The following TEX15 variants were observed in gnomAD, a reference collection of about 807,000 sequenced individuals.
TEX15 encodes the protein testis expressed 15, meiosis and synapsis associated.
A neutral mutation model predicts 237.3 loss-of-function variants in TEX15; 171 were observed. The ratio of observed to expected loss-of-function variants is 0.72; its 90% CI spans 0.64 to 0.82. TEX15 has a LOEUF of 0.82. TEX15 is among the 40% of genes least tolerant of loss of function. The pLI, the probability that TEX15 is intolerant of heterozygous loss-of-function variation, is 0.00. For synonymous variants in TEX15, 1,338 were observed against 1,269.8 expected, an observed-to-expected ratio of 1.05 and a Z score of -1.14; for missense variants, 3,750 against 3,646.5, an observed-to-expected ratio of 1.03 and a Z score of -0.73.
In TEX15 at chr8:30,843,194, C is replaced by T. The variant is rs1432737266; in HGVS notation, c.6973G>A (p.Glu2325Lys). The T allele has an allele frequency of 6.2e-7, 1 of 1,613,334 alleles. No homozygotes were observed. The change falls in exon 8 of 11, where the codon GAA becomes AAA. Residue 2325 changes from glutamate (E) to lysine (K), a missense_variant. Physicochemically the swap from Glu to Lys is moderately conservative, Grantham distance 56. Coordinates refer to ENST00000643185, the MANE Select transcript of TEX15 (RefSeq NM_001350162.2). ...YDTLSKDLNN[E>K]PISPIGLEED... ...TCAAGCCCAATAGGGGAAATTGGTT[C>T]ATTGTTTAAATCTTTAGACAAAGTA...
At chr8:30,906,140 CTAT>C (rs1585318843) in intron 1 of TEX15, among the ~76,000 whole-genome samples, 1 of 152,114 alleles carries the variant, frequency 6.6e-6, no homozygotes, top group Non-Finnish European at 1.5e-5. Context: ...TAAGTATTGG[CTAT>C]TATTATTAAT....
At position 30,842,918 on chromosome 8, in the gene TEX15, A is replaced by C; in HGVS notation, c.7249T>G (p.Phe2417Val). ...MLQDNNMDNI[F>V]ITEENVLDVV... is the part of the protein sequence containing the mutation. ...TCTAAAACATTTTCTTCTGTGATAA[A>C]AATATTATCCATGTTATTATCTTGT... The change falls in exon 8 of 11, where the codon TTT becomes GTT. Residue 2417 changes from phenylalanine to valine, a missense_variant. Transcript: ENST00000643185. The C allele has an allele frequency of 6.2e-7, 1 of 1,609,494 alleles. No individual in the cohort carries two copies. Among genetic ancestry groups the C allele is most frequent in the Non-Finnish European group, 8.5e-7 (1 of 1,177,526 alleles).
intron 1 of TEX15, among the ~76,000 whole-genome samples, chr8:30,901,059 G>A (rs915484200): frequency 3.9e-5 from 6 of 152,168 alleles, no homozygotes; most frequent in Admixed American, 1.3e-4. Flanking sequence ...GATAACTTGA[G>A]CCTAGGAAGT....
At chr8:30,855,134 T>C (rs1288135325) in intron 7 of TEX15, among the ~76,000 whole-genome samples, 2 of 151,948 alleles carry the variant, frequency 1.3e-5, no homozygotes, top group African/African-American at 4.8e-5. Context: ...AAAAAAAGAC[T>C]GGAAAGAAAA....
rs1446182807 is a variant in TEX15, at chr8:30,848,788, T to C, written c.1379A>G (p.Lys460Arg). The C allele has an allele frequency of 3.7e-6, 6 of 1,614,196 alleles. No homozygotes were observed. Among genetic ancestry groups the C allele is most frequent in the Non-Finnish European group, 5.1e-6 (6 of 1,180,034 alleles). ...AGLNEVLQFE[K>R]SSDNVNSEIK... Reference sequence around the variant, plus strand: ...TTCTGAATTAACATTATCTGAACTCTTCTCAAATTGCAAAACCTCATTTAA... The same window carrying C: ...TTCTGAATTAACATTATCTGAACTCCTCTCAAATTGCAAAACCTCATTTAA... Residue 460 changes from lysine to arginine, a missense_variant, in exon 8 of 11, where the codon AAG becomes AGG. Physicochemically the swap from Lys to Arg is conservative, Grantham distance 26 (BLOSUM62 2). Coordinates refer to ENST00000643185, the MANE Select transcript of TEX15 (RefSeq NM_001350162.2).
intron 3 of TEX15, among the ~76,000 whole-genome samples, chr8:30,881,635 T>A (rs994565160): frequency 2.2e-4 from 31 of 142,582 alleles, no homozygotes; most frequent in East Asian, 1.4e-3. Flanking sequence ...TATTATTTTT[T>A]TTTTTTGAGA....
At chr8:30,868,115 G>A (rs1808213195) in intron 4 of TEX15, among the ~76,000 whole-genome samples, 1 of 151,834 alleles carries the variant, frequency 6.6e-6, no homozygotes, top group African/African-American at 2.4e-5. Context: ...CATTCTTCAG[G>A]GATTTAGGTA....
chr8:30,906,936 A>G (rs1809113899), intron 1 of TEX15, among the ~76,000 whole-genome samples: 1 of 152,124 alleles, frequency 6.6e-6, no homozygotes. Flanking sequence ...AACTTAAAAC[A>G]ATTTTTTTTT....
In TEX15 at chr8:30,846,520, T is replaced by C; in HGVS notation, c.3647A>G (p.Tyr1216Cys). The change falls in exon 8 of 11, where the codon TAT (tyrosine) becomes TGT (cysteine). Residue 1216 changes from tyrosine (Y) to cysteine (C), a missense_variant. Physicochemically the swap from Tyr to Cys is radical, Grantham distance 194. Transcript: ENST00000643185. ...YSQPFGENAD[Y>C]PCEDKVDNIR... ...ATTATCAACTTTATCTTCACATGGA[T>C]AATCTGCATTTTCACCAAAAGGCTG... The C allele has an allele frequency of 6.2e-7, 1 of 1,613,758 alleles. No individual in the cohort carries two copies. Among genetic ancestry groups the C allele is most frequent in the Non-Finnish European group, 8.5e-7 (1 of 1,179,750 alleles).
chr8:30,862,630 T>G (rs1808074803), intron 5 of TEX15, among the ~76,000 whole-genome samples: 1 of 152,180 alleles, frequency 6.6e-6, no homozygotes. Flanking sequence ...AAAAAAATTG[T>G]AAGGAGTTAT....
chr8:30,884,148 T>A (rs1808596774), intron 3 of TEX15, among the ~76,000 whole-genome samples: 1 of 152,184 alleles, frequency 6.6e-6, no homozygotes, highest in Non-Finnish European at 1.5e-5. Flanking sequence ...TGTAAAAAAT[T>A]CCTATTTATC....
intron 5 of TEX15, among the ~76,000 whole-genome samples, chr8:30,863,349 T>G (rs1390004720): frequency 6.6e-6 from 1 of 152,156 alleles, no homozygotes; most frequent in East Asian, 1.9e-4. Flanking sequence ...TCAATTTCAG[T>G]TCTTAGCACA....
chr8:30,898,328 G>T (rs1808946107), intron 2 of TEX15, among the ~76,000 whole-genome samples: 1 of 152,142 alleles, frequency 6.6e-6, no homozygotes, highest in Admixed American at 6.5e-5. Flanking sequence ...AATGGGATTA[G>T]CATACTTATT....
rs765266481 is a variant in TEX15 at position 30,842,623 on chromosome 8, A to G, written c.7544T>C (p.Val2515Ala). 2.7e-5 allele frequency: 43 copies of G among 1,611,440 alleles called. No homozygotes were observed. The East Asian group carries it at 9.6e-4, about 36-fold the overall frequency. ...VCLWKVIETAVSELKKDLDII... is the reference protein window; with the variant it reads ...VCLWKVIETAASELKKDLDII... The stretch of plus-strand genomic sequence containing the variant: ...ATCCAGATCTTTCTTAAGTTCGGAA[A>G]CAGCAGTCTCTATCACTTTCCAAAG... The change falls in exon 8 of 11, where the codon GTT (valine) becomes GCT (alanine). Residue 2515 changes from valine (V) to alanine (A), a missense_variant. Physicochemically the swap from Val to Ala is moderately conservative, Grantham distance 64 (BLOSUM62 0). Coordinates refer to ENST00000643185, the MANE Select transcript of TEX15 (RefSeq NM_001350162.2).
chr8:30,848,445 T>C lies in TEX15; in HGVS notation c.1722A>G (p.Lys574=). 6.2e-7 allele frequency: 1 copy of C among 1,614,180 alleles called. No homozygotes were observed. The highest frequency in any genetic ancestry group is 1.1e-5 in the South Asian group (1 of 91,078). The change falls in exon 8 of 11, where the codon AAA becomes AAG. Residue 574 remains lysine (K), a synonymous_variant. Transcript: ENST00000643185. ...CCTGAAAAATGTGACTACTGTACTC[T>C]TTTGTATAAGCATTACCGGACTCCT... ...AQQESGNAYT[K]EYSSHIFQDS...
At chr8:30,870,702 G>C (rs368377206) in intron 4 of TEX15, among the ~76,000 whole-genome samples, 1 of 152,078 alleles carries the variant, frequency 6.6e-6, no homozygotes, top group Non-Finnish European at 1.5e-5. Context: ...ACAGCTAAGA[G>C]AAATTGGGAT....
At chr8:30,880,613 T>C (rs1472477777) in intron 3 of TEX15, among the ~76,000 whole-genome samples, 1 of 152,244 alleles carries the variant, frequency 6.6e-6, no homozygotes, top group Non-Finnish European at 1.5e-5. Flanking sequence ...ATTTTCTTAG[T>C]AACATTTTCT....
chr8:30,859,981 A>G lies in TEX15; in HGVS notation c.617T>C (p.Phe206Ser). The G allele has an allele frequency of 6.6e-7, 1 of 1,520,404 alleles. No homozygotes were observed. Among genetic ancestry groups the G allele is most frequent in the Non-Finnish European group, 8.8e-7 (1 of 1,141,282 alleles). 94.2% of individuals were successfully genotyped at this position (1,520,404 alleles called of 1,614,324 possible). A position where few individuals can be genotyped will look rare whatever the true frequency, so the allele number is the denominator to read the frequency against. ...NKVSLDPSPN[F>S]DCHMSRNAPS... The stretch of plus-strand genomic sequence containing the variant: ...TGCATTTCTTGACATATGGCAATCA[A>G]AGTTAGGAGAAGGATCCAAAGAAAC... Residue 206 changes from phenylalanine to serine, a missense_variant, in exon 6 of 11, where the codon TTT (phenylalanine) becomes TCT (serine). Coordinates refer to ENST00000643185, the MANE Select transcript of TEX15 (RefSeq NM_001350162.2).
At chr8:30,861,614 A>G (rs967673282) in intron 5 of TEX15, among the ~76,000 whole-genome samples, 3 of 152,194 alleles carry the variant, frequency 2.0e-5, no homozygotes, top group African/African-American at 7.2e-5. Flanking sequence ...TTTGACAATC[A>G]TGCCATATTT....
Sources: allele counts gnomAD v4.1 joint callset (sites outside exome capture counted in the v4.1 genomes callset), GRCh38; gene constraint gnomAD v4.1.1; transcripts MANE v1.5; gene names NCBI Gene and HGNC (gene_info 2026-07-23, HGNC 2026-07-21).